The following PTPRG variants were observed in gnomAD, a reference collection of about 807,000 sequenced individuals.
PTPRG encodes receptor-type tyrosine-protein phosphatase gamma.
In PTPRG, 102 loss-of-function variants were observed where a neutral mutation model predicts 165.3. The observed-to-expected ratio is 0.62, with a 90% confidence interval of 0.53 to 0.73. The LOEUF (loss-of-function observed/expected upper bound fraction) is 0.73, where lower values mean the gene tolerates loss of function less well. Among genes scored for constraint, PTPRG ranks in the 30% least tolerant of loss-of-function variants. The probability of loss-of-function intolerance (pLI) is 0.00; values close to 1 mark genes in which losing one functional copy is unlikely to be tolerated. For missense variants in PTPRG, 1,866 were observed against 1,861.4 expected, an observed-to-expected ratio of 1.00 and a Z score of -0.05; for synonymous variants, 675 against 669.5, an observed-to-expected ratio of 1.01 and a Z score of -0.13.
At chr3:61,903,072 A>T (rs146105946) in intron 2 of PTPRG, among the ~76,000 whole-genome samples, 7 of 152,138 alleles carry the variant, frequency 4.6e-5, no homozygotes, top group Non-Finnish European at 1.0e-4. Context: ...TTTTCTGTGT[A>T]CCTTACACTC....
chr3:62,176,132 G>A (rs1414482483), intron 8 of PTPRG, among the ~76,000 whole-genome samples: 1 of 152,198 alleles, frequency 6.6e-6, no homozygotes, highest in African/African-American at 2.4e-5. Flanking sequence ...GGAGTCTGCA[G>A]GACCCTGCAA....
intron 1 of PTPRG, among the ~76,000 whole-genome samples, chr3:61,671,078 T>C (rs537200792): frequency 1.3e-5 from 2 of 151,824 alleles, no homozygotes; most frequent in African/African-American, 2.4e-5. Flanking sequence ...CTTCGGCATC[T>C]CTCGGGGAAG....
At chr3:62,063,300 G>A (rs1368512162) in intron 4 of PTPRG, among the ~76,000 whole-genome samples, 1 of 152,188 alleles carries the variant, frequency 6.6e-6, no homozygotes, top group Non-Finnish European at 1.5e-5. Flanking sequence ...TATGATCAAA[G>A]CTACAATGGT....
At chr3:62,111,972 TA>T (rs1433949366) in intron 5 of PTPRG, among the ~76,000 whole-genome samples, 1 of 152,194 alleles carries the variant, frequency 6.6e-6, no homozygotes, top group African/African-American at 2.4e-5. Context: ...CTTGAATGAT[TA>T]GATAAATGAG....
intron 1 of PTPRG, among the ~76,000 whole-genome samples, chr3:61,683,606 C>G (rs1703523299): frequency 6.6e-6 from 1 of 152,220 alleles, no homozygotes; most frequent in African/African-American, 2.4e-5. Flanking sequence ...CCAAACTAAA[C>G]TGGAAATCCC....
rs1415413756 is a variant in PTPRG at position 62,224,826 on chromosome 3, A to G, written c.2288+5843A>G. Among the ~76,000 whole-genome samples, 1 of 152,140 alleles carries G rather than the reference A, an allele frequency of 6.6e-6. No individual in the cohort carries two copies. The highest frequency in any genetic ancestry group is 1.5e-5 in the Non-Finnish European group (1 of 68,012). ...AAAATGTTTTTAGCTGAGCTGTTTC[A>G]GGTAGGACACTATAGTTCTCCCTTG... On this transcript the variant is annotated intron_variant, in intron 13 of 29. Coordinates refer to ENST00000474889, the MANE Select transcript of PTPRG (RefSeq NM_002841.4). The surrounding 1 kb of genome is among the most constrained non-coding windows in gnomAD (Gnocchi z 4.9).
At chr3:62,005,535 A>G (rs2041276248) in intron 4 of PTPRG, among the ~76,000 whole-genome samples, 1 of 152,074 alleles carries the variant, frequency 6.6e-6, no homozygotes, top group South Asian at 2.1e-4. Flanking sequence ...CTGAAAGTTT[A>G]AAAACTTAAT....
At chr3:62,264,829 A>G (rs1269787602) in intron 17 of PTPRG, among the ~76,000 whole-genome samples, 1 of 152,186 alleles carries the variant, frequency 6.6e-6, no homozygotes, top group East Asian at 1.9e-4. Flanking sequence ...TTGCTAGATT[A>G]TATGGTAATT....
chr3:61,958,433 C>G (rs1461348741), intron 2 of PTPRG, among the ~76,000 whole-genome samples: 1 of 152,186 alleles, frequency 6.6e-6, no homozygotes, highest in Non-Finnish European at 1.5e-5. Context: ...CCATGGCTGG[C>G]TGGAATTATC....
intron 2 of PTPRG, chr3:61,770,164 C>A (rs665974): frequency 0.85 from 129,347 of 152,130 alleles, 55,126 homozygotes; most frequent in East Asian, 0.94. Flanking sequence ...CATGGAAAGC[C>A]TGGGTGGTGT....
chr3:62,046,268 C>T (rs201428905), intron 4 of PTPRG, among the ~76,000 whole-genome samples: 2 of 136,380 alleles, frequency 1.5e-5, no homozygotes, highest in East Asian at 2.0e-4. Flanking sequence ...AGAGCGTATC[C>T]TTGCATTTTC....
chr3:61,808,657 C>A (rs1327933775), intron 2 of PTPRG, among the ~76,000 whole-genome samples: 2 of 152,116 alleles, frequency 1.3e-5, no homozygotes, highest in African/African-American at 4.8e-5. Context: ...GGCCTAAAAT[C>A]TTTGGCACAT....
At chr3:61,586,095 TA>T (rs1395414941) in intron 1 of PTPRG, among the ~76,000 whole-genome samples, 1 of 152,244 alleles carries the variant, frequency 6.6e-6, no homozygotes, top group Non-Finnish European at 1.5e-5. Context: ...TTTTCTTTTT[TA>T]TTTTTTGCCT....
intron 14 of PTPRG, among the ~76,000 whole-genome samples, chr3:62,242,971 G>GA (rs1701198926): frequency 6.6e-6 from 1 of 151,924 alleles, no homozygotes; most frequent in Admixed American, 6.6e-5. Context: ...AATGAACAGG[G>GA]ACCCTTCTCT....
intron 1 of PTPRG, among the ~76,000 whole-genome samples, chr3:61,739,924 T>TA (rs1170400120): frequency 6.6e-6 from 1 of 152,258 alleles, no homozygotes; most frequent in East Asian, 1.9e-4. Context: ...TCTCACATTT[T>TA]AAAAAAATGA....
chr3:61,606,740 G>A (rs2106861383), intron 1 of PTPRG, among the ~76,000 whole-genome samples: 1 of 152,318 alleles, frequency 6.6e-6, no homozygotes, highest in African/African-American at 2.4e-5. Flanking sequence ...AAGGAAGAAA[G>A]GCAGCTTTCC....
At chr3:61,657,823 C>T (rs184409363) in intron 1 of PTPRG, among the ~76,000 whole-genome samples, 110 of 152,296 alleles carry the variant, frequency 7.2e-4, no homozygotes, top group African/African-American at 2.6e-3. Context: ...GAGAGTGCTG[C>T]GGAAGCTGGT....
At chr3:62,026,589 A>G (rs926967580) in intron 4 of PTPRG, among the ~76,000 whole-genome samples, 6 of 152,140 alleles carry the variant, frequency 3.9e-5, no homozygotes, top group African/African-American at 1.4e-4. Flanking sequence ...TTCTCACCTT[A>G]AAAGCATGTA....
In PTPRG at chr3:61,960,253, C is replaced by A. The variant is rs537758781; in HGVS notation, c.191-29372C>A. Among the ~76,000 whole-genome samples the A allele has an allele frequency of 5.9e-5, 9 of 151,918 alleles. No homozygotes were observed. The South Asian group carries it at 8.4e-4, about 14-fold the overall frequency. On this transcript the variant is annotated intron_variant, in intron 2 of 29. Coordinates refer to ENST00000474889, the MANE Select transcript of PTPRG (RefSeq NM_002841.4). ...CTCGGTGCTTGGTATCCAGTAGGAG[C>A]CCCGTAAATGTCTCTTTAATGTGCA...
Sources: allele counts gnomAD v4.1 joint callset (sites outside exome capture counted in the v4.1 genomes callset), GRCh38; gene constraint gnomAD v4.1.1; non-coding constraint Gnocchi (gnomAD v3.1); transcripts MANE v1.5; gene names NCBI Gene and HGNC (gene_info 2026-07-23, HGNC 2026-07-21).